Variants in DCAF1 observed in about 807,000 individuals in gnomAD.
DCAF1 encodes the protein DDB1 and CUL4 associated factor 1, also known as DDB1- and CUL4-associated factor 1.
DCAF1 carries 15 observed loss-of-function variants against 128.0 expected under a neutral mutation model. The observed-to-expected ratio is 0.12, with a 90% CI of 0.08 to 0.18. The LOEUF (loss-of-function observed/expected upper bound fraction) is 0.18, where lower values mean the gene tolerates loss of function less well. Among genes scored for constraint, DCAF1 ranks in the 10% least tolerant of loss-of-function variants. DCAF1 has a pLI of 1.00. For missense variants in DCAF1, 988 were observed against 1,649.5 expected (o/e 0.60, Z 6.95); for synonymous variants, 610 against 603.0 (o/e 1.01, Z -0.17).
At chr3:51,466,243 T>C (rs1053583342) in intron 5 of DCAF1, among the ~76,000 whole-genome samples, 3 of 152,050 alleles carry the variant, frequency 2.0e-5, no homozygotes, top group African/African-American at 7.2e-5. Flanking sequence ...AAAATAAAGC[T>C]TGAAGAGGCT....
rs782697460 is a variant in DCAF1, at chr3:51,419,925, T to C, written c.3045A>G (p.Gln1015=). The change falls in exon 15 of 25, where the codon CAA becomes CAG. Residue 1015 remains glutamine (Q), a synonymous_variant. Coordinates refer to ENST00000684031, the MANE Select transcript of DCAF1 (RefSeq NM_001387579.1). The part of the protein sequence containing the change: ...DSIITEYLRE[Q]HARCKNPVAT... ...CAACTGGATTCTTGCAGCGAGCATG[T>C]TGTTCTCTAAGATACTCTGTGATTA... 9 of 1,613,936 alleles carry C rather than the reference T, an allele frequency of 5.6e-6. No homozygotes were observed. The South Asian group carries it at 6.6e-5, about 12-fold the overall frequency.
chr3:51,504,219 G>A (rs1287464990), upstream of DCAF1, among the ~76,000 whole-genome samples: 6 of 151,196 alleles, frequency 4.0e-5, no homozygotes, highest in Non-Finnish European at 8.8e-5. Flanking sequence ...TATATTTTTA[G>A]TAAAGACGGG....
chr3:51,406,797 A>G (rs184105558), intron 23 of DCAF1, among the ~76,000 whole-genome samples: 62 of 152,042 alleles, frequency 4.1e-4, no homozygotes, highest in Middle Eastern at 3.4e-3. Flanking sequence ...TCTCATCCCC[A>G]CCTCACCACC....
intron 6 of DCAF1, among the ~76,000 whole-genome samples, chr3:51,444,882 A>C (rs912938425): frequency 1.3e-5 from 2 of 149,724 alleles, no homozygotes; most frequent in Non-Finnish European, 3.0e-5. Flanking sequence ...TCACCGTGTT[A>C]GCCAGGATGG....
At chr3:51,498,458 C>A (rs1424549238) in intron 1 of DCAF1, among the ~76,000 whole-genome samples, 2 of 151,650 alleles carry the variant, frequency 1.3e-5, no homozygotes, top group Non-Finnish European at 2.9e-5. Context: ...AAAAAACAGG[C>A]CAGGTGTAGT....
intron 6 of DCAF1, among the ~76,000 whole-genome samples, chr3:51,448,267 T>C (rs1467903564): frequency 6.6e-6 from 1 of 152,242 alleles, no homozygotes; most frequent in Non-Finnish European, 1.5e-5. Context: ...TTGAACTTTC[T>C]AATTCTAGTC....
intron 2 of DCAF1, among the ~76,000 whole-genome samples, chr3:51,488,473 C>T (rs1423743838): frequency 3.3e-5 from 5 of 151,840 alleles, no homozygotes; most frequent in African/African-American, 7.3e-5. Flanking sequence ...GTCAGGAGTT[C>T]GAGACCAGCC....
chr3:51,463,902 T>A (rs1553645595), intron 5 of DCAF1, among the ~76,000 whole-genome samples: 1 of 152,202 alleles, frequency 6.6e-6, no homozygotes, highest in South Asian at 2.1e-4. Context: ...TCACTTAGGC[T>A]GGAGTGCAGT....
chr3:51,486,126 A>G (rs1553655357), intron 2 of DCAF1, among the ~76,000 whole-genome samples: 1 of 150,914 alleles, frequency 6.6e-6, no homozygotes, highest in East Asian at 1.9e-4. Flanking sequence ...TCCTGACCTC[A>G]TGATCTGCCT....
intron 2 of DCAF1, among the ~76,000 whole-genome samples, chr3:51,490,226 G>T (rs1411321502): frequency 6.6e-6 from 1 of 152,094 alleles, no homozygotes; most frequent in Non-Finnish European, 1.5e-5. Context: ...GTCCAGCTGG[G>T]GCAACATGGC....
At chr3:51,484,523 T>C (rs782344502) in intron 2 of DCAF1, among the ~76,000 whole-genome samples, 5 of 151,896 alleles carry the variant, frequency 3.3e-5, no homozygotes, top group Non-Finnish European at 7.4e-5. Context: ...ATATATACAA[T>C]AATCCCAGGC....
Position 51,440,171 on chromosome 3 carries a change from T to C in DCAF1, c.1128+799A>G, listed in dbSNP as rs374555872. ...CCTTTTAGATTAACACCTAAGTTTC[T>C]GTAGAGATAGTAAGCCTCCTCTCTT... is the stretch of plus-strand genomic sequence containing the variant. On this transcript the variant is annotated intron_variant, in intron 9 of 24. Coordinates refer to ENST00000684031, the MANE Select transcript of DCAF1 (RefSeq NM_001387579.1). 2.1e-4 allele frequency: 105 copies of C among 511,308 alleles called. 1 individual carries two copies. The highest frequency in any genetic ancestry group is 2.0e-3 in the African/African-American group (102 of 51,552). The allele number at this position is 511,308 out of a possible 1,614,324, so 31.7% of individuals were successfully genotyped here.
At chr3:51,483,253 A>G (rs1269184894) in intron 3 of DCAF1, among the ~76,000 whole-genome samples, 1 of 151,718 alleles carries the variant, frequency 6.6e-6, no homozygotes, top group Non-Finnish European at 1.5e-5. Flanking sequence ...AGCCTGATCA[A>G]CATGGTGAAA....
chr3:51,449,907 A>C (rs34630390), intron 6 of DCAF1, among the ~76,000 whole-genome samples: 136 of 152,332 alleles, frequency 8.9e-4, no homozygotes, highest in Middle Eastern at 3.4e-3. Context: ...AAAATGGACA[A>C]ATCTACCAAA....
chr3:51,403,032 A>G, intron 24 of DCAF1, 111 bp downstream of exon 24: 1 of 1,467,704 alleles, frequency 6.8e-7, no homozygotes, highest in Non-Finnish European at 9.0e-7. Context: ...AGTGAATCAA[A>G]TTATGGGGCA....
Position 51,470,923 on chromosome 3 carries a change from T to C in DCAF1, c.187+6A>G. Reference sequence around the variant, plus strand: ...AAAGACCCACACTTAAGAGCACAAATCTTACCAGGATGTCGATCATCAAAT... The same window carrying C: ...AAAGACCCACACTTAAGAGCACAAACCTTACCAGGATGTCGATCATCAAAT... On this transcript the variant is annotated splice_donor_region_variant and intron_variant, in intron 4 of 24. Transcript: ENST00000684031. 2 of 1,585,498 alleles carry C rather than the reference T, an allele frequency of 1.3e-6. No individual in the cohort carries two copies. The highest frequency in any genetic ancestry group is 1.7e-6 in the Non-Finnish European group (2 of 1,162,022).
At chr3:51,491,896 G>A (rs569258558) in intron 2 of DCAF1, among the ~76,000 whole-genome samples, 172 of 152,100 alleles carry the variant, frequency 1.1e-3, no homozygotes, top group African/African-American at 4.0e-3. Flanking sequence ...AGTGGCTCAC[G>A]CCTGTTATCC....
chr3:51,415,787 G>A (rs1698826928), intron 18 of DCAF1, among the ~76,000 whole-genome samples: 1 of 151,880 alleles, frequency 6.6e-6, no homozygotes, highest in Admixed American at 6.6e-5. Context: ...GATGGGGGGA[G>A]TCTCTCTATG....
chr3:51,478,993 G>A (rs1457661214), intron 3 of DCAF1, among the ~76,000 whole-genome samples: 2 of 152,032 alleles, frequency 1.3e-5, no homozygotes, highest in African/African-American at 2.4e-5. Flanking sequence ...CAAACAAAAA[G>A]ATTTTTTTAA....
Sources: gnomAD v4.1 joint callset for allele counts (sites outside exome capture counted in the v4.1 genomes callset) on GRCh38, gnomAD v4.1.1 for gene constraint, MANE v1.5 for transcripts, NCBI Gene and HGNC (gene_info 2026-07-23, HGNC 2026-07-21) for gene names.